The following LRMDA variants were observed in gnomAD, a reference collection of about 807,000 sequenced individuals.
LRMDA encodes the protein leucine rich melanocyte differentiation associated.
A neutral mutation model predicts 29.8 loss-of-function variants in LRMDA; 18 were observed. The observed-to-expected ratio is 0.60, with a 90% CI of 0.42 to 0.90. The LOEUF (loss-of-function observed/expected upper bound fraction) is 0.90, where lower values mean the gene tolerates loss of function less well. Ranked by LOEUF, LRMDA falls within the 40% of genes least tolerant of loss-of-function variation. The pLI, the probability that LRMDA is intolerant of heterozygous loss-of-function variation, is 0.00. For synonymous variants in LRMDA, 125 were observed against 109.4 expected (o/e 1.14, Z -0.89); for missense variants, 273 against 273.9 (o/e 1.00, Z 0.02).
intron 4 of LRMDA, among the ~76,000 whole-genome samples, chr10:76,049,149 G>C (rs191866354): frequency 1.7e-3 from 252 of 152,278 alleles, no homozygotes; most frequent in Admixed American, 4.5e-3. Context: ...GATTCTACAA[G>C]TGTGGTCTAT....
chr10:76,265,734 G>T (rs1457096817), intron 5 of LRMDA, among the ~76,000 whole-genome samples: 2 of 152,144 alleles, frequency 1.3e-5, no homozygotes, highest in South Asian at 4.1e-4. Flanking sequence ...CTTTCCATGT[G>T]TGTTGGTTTG....
At chr10:76,336,686 GA>G (rs968033446) in intron 6 of LRMDA, among the ~76,000 whole-genome samples, 18 of 150,416 alleles carry the variant, frequency 1.2e-4, no homozygotes, top group Non-Finnish European at 2.4e-4. Context: ...TCCCCCAAAG[GA>G]AAAAAAAATA....
At chr10:75,669,493 A>G (rs959581311) in intron 2 of LRMDA, among the ~76,000 whole-genome samples, 3 of 152,244 alleles carry the variant, frequency 2.0e-5, no homozygotes, top group Non-Finnish European at 2.9e-5. Context: ...ACATACTGCT[A>G]TGCCTGTTAT....
Position 75,497,728 on chromosome 10 carries a change from G to A in LRMDA, c.131+59234G>A, listed in dbSNP as rs148981935. The stretch of plus-strand genomic sequence containing the variant: ...TCATATAGTATATATTTTTGTGTAC[G>A]TGAGGCTTCTTTCATCAGCACAGTG... On this transcript the variant is annotated intron_variant, in intron 2 of 6. Transcript: ENST00000611255. 8.6e-5 allele frequency among the ~76,000 whole-genome samples: 13 copies of A among 151,460 alleles called. No individual in the cohort carries two copies. In the East Asian group the frequency reaches 1.8e-3, roughly 20 times the overall value.
intron 2 of LRMDA, among the ~76,000 whole-genome samples, chr10:75,579,091 A>G (rs549203157): frequency 1.3e-5 from 2 of 152,340 alleles, no homozygotes; most frequent in East Asian, 3.9e-4. Flanking sequence ...TGAAGGAGAT[A>G]GAGACACGAA....
rs1429107377 is a variant in LRMDA, at chr10:75,819,402, G to GA, written c.132-216603dup. Among the ~76,000 whole-genome samples the GA allele has an allele frequency of 2.6e-4, 12 of 46,764 alleles. No individual in the cohort carries two copies. The East Asian group carries it at 0.38, about 1,461-fold the overall frequency. 30.7% of individuals were successfully genotyped at this position (46,764 alleles called of 152,430 possible). A position where few individuals can be genotyped will look rare whatever the true frequency, so the allele number is the denominator to read the frequency against. Reference sequence around the variant, plus strand: ...GGAAACCATTTTGAGTCTGTAATGTGAAATTTGGGGAGTAGAGGAGGGTAA... The same window carrying GA: ...GGAAACCATTTTGAGTCTGTAATGTGAAAATTTGGGGAGTAGAGGAGGGTAA... On this transcript the variant is annotated intron_variant, in intron 2 of 6. Transcript: ENST00000611255.
intron 2 of LRMDA, among the ~76,000 whole-genome samples, chr10:75,679,774 T>G (rs1842002330): frequency 6.6e-6 from 1 of 152,212 alleles, no homozygotes; most frequent in African/African-American, 2.4e-5. Flanking sequence ...TATCATTTTT[T>G]TCGAGGTCCA....
At chr10:75,951,155 A>G (rs16932737) in intron 2 of LRMDA, among the ~76,000 whole-genome samples, 21,770 of 152,174 alleles carry the variant, frequency 0.14, 3,738 homozygotes, top group African/African-American at 0.41. Flanking sequence ...GTCCTGAGAA[A>G]GCTGACATTG....
intron 6 of LRMDA, among the ~76,000 whole-genome samples, chr10:76,423,964 G>C (rs1052302494): frequency 6.6e-6 from 1 of 152,136 alleles, no homozygotes; most frequent in Admixed American, 6.5e-5. Context: ...AGTATGCTCT[G>C]ATTCCTAGAG....
At chr10:76,025,017 A>T (rs1848038334) in intron 2 of LRMDA, among the ~76,000 whole-genome samples, 1 of 152,128 alleles carries the variant, frequency 6.6e-6, no homozygotes, top group Non-Finnish European at 1.5e-5. Flanking sequence ...CTAGCAAAGA[A>T]AACCCCCATT....
chr10:76,077,543 A>G (rs1174918330), intron 5 of LRMDA, among the ~76,000 whole-genome samples: 1 of 152,108 alleles, frequency 6.6e-6, no homozygotes, highest in Non-Finnish European at 1.5e-5. Flanking sequence ...TATCAGGGAC[A>G]TGGTCATGCT....
intron 2 of LRMDA, among the ~76,000 whole-genome samples, chr10:75,615,893 G>C (rs1025353503): frequency 2.0e-5 from 3 of 152,196 alleles, no homozygotes; most frequent in African/African-American, 7.2e-5. Context: ...GCAGTATACT[G>C]AATGGACTTT....
intron 5 of LRMDA, among the ~76,000 whole-genome samples, chr10:76,159,672 C>T (rs560533110): frequency 6.6e-6 from 1 of 152,222 alleles, no homozygotes; most frequent in African/African-American, 2.4e-5. Flanking sequence ...AACTGGGGTA[C>T]ATGCAGACAA....
At chr10:76,363,213 GGA>G (rs1841343730) in intron 6 of LRMDA, among the ~76,000 whole-genome samples, 1 of 14,834 alleles carries the variant, frequency 6.7e-5, no homozygotes, top group African/African-American at 4.0e-4. Context: ...AGGGAGGGAA[GGA>G]AGAGAAAGAA....
At chr10:76,253,271 GT>G (rs1385913359) in intron 5 of LRMDA, among the ~76,000 whole-genome samples, 1 of 152,152 alleles carries the variant, frequency 6.6e-6, no homozygotes, top group Non-Finnish European at 1.5e-5. Context: ...CTGTGGGTAG[GT>G]TTAAGGACAT....
chr10:76,436,295 A>C lies in LRMDA; in HGVS notation c.601+111810A>C, dbSNP rs548606601. Among the ~76,000 whole-genome samples, 4 of 152,266 alleles carry C rather than the reference A, an allele frequency of 2.6e-5. No individual in the cohort carries two copies. In the South Asian group the frequency reaches 6.2e-4, roughly 24 times the overall value. On this transcript the variant is annotated intron_variant, in intron 6 of 6. Transcript: ENST00000611255. Reference sequence around the variant, plus strand: ...TCATTAATGCTTTCTGTGAGTGAAAAATAAGTGTGTGAAGAAAAGACTCCA... The same window carrying C: ...TCATTAATGCTTTCTGTGAGTGAAACATAAGTGTGTGAAGAAAAGACTCCA...
intron 2 of LRMDA, among the ~76,000 whole-genome samples, chr10:75,738,163 C>A (rs1228645505): frequency 6.6e-6 from 1 of 152,080 alleles, no homozygotes; most frequent in Non-Finnish European, 1.5e-5. Flanking sequence ...AAAATTCTTC[C>A]TCCTTTTTTT....
At chr10:75,993,570 T>C (rs1847408120) in intron 2 of LRMDA, among the ~76,000 whole-genome samples, 2 of 151,840 alleles carry the variant, frequency 1.3e-5, no homozygotes. Flanking sequence ...CCATCTCTAC[T>C]AAAAATACAA....
intron 2 of LRMDA, among the ~76,000 whole-genome samples, chr10:75,893,248 G>T (rs1289218607): frequency 3.9e-5 from 6 of 152,138 alleles, no homozygotes; most frequent in African/African-American, 1.4e-4. Context: ...CTCAGTGGGT[G>T]CTAGGCATAT....
Sources: allele counts gnomAD v4.1 joint callset (sites outside exome capture counted in the v4.1 genomes callset), GRCh38; gene constraint gnomAD v4.1.1; transcripts MANE v1.5; gene names NCBI Gene and HGNC (gene_info 2026-07-23, HGNC 2026-07-21).